The following MICU3 variants were observed in gnomAD, a reference collection of about 807,000 sequenced individuals.
MICU3 encodes calcium uptake protein 3, mitochondrial.
MICU3 carries 62 observed loss-of-function variants against 66.5 expected under a neutral mutation model. That is an observed-to-expected ratio of 0.93 (90% CI 0.76 to 1.15). The LOEUF (loss-of-function observed/expected upper bound fraction) is 1.15. Among genes scored for constraint, MICU3 ranks in the 50% most tolerant of loss-of-function variants. MICU3 has a pLI of 0.00. For missense variants in MICU3, 779 were observed against 664.4 expected, an observed-to-expected ratio of 1.17 and a Z score of -1.90; for synonymous variants, 308 against 240.7, an observed-to-expected ratio of 1.28 and a Z score of -2.59.
intron 2 of MICU3, among the ~76,000 whole-genome samples, chr8:17,067,457 A>G (rs1215453964): frequency 1.3e-5 from 2 of 150,576 alleles, no homozygotes; most frequent in Non-Finnish European, 3.0e-5. Flanking sequence ...CCAAGAGGAG[A>G]CTCGCTCTGT....
At chr8:17,116,135 C>T (rs920799340) in intron 12 of MICU3, among the ~76,000 whole-genome samples, 3 of 152,178 alleles carry the variant, frequency 2.0e-5, no homozygotes, top group Non-Finnish European at 4.4e-5. Context: ...CCATCTGAAC[C>T]GTAAGTTTCT....
At chr8:17,050,836 A>G (rs1216049636) in intron 1 of MICU3, among the ~76,000 whole-genome samples, 1 of 152,134 alleles carries the variant, frequency 6.6e-6, no homozygotes, top group Non-Finnish European at 1.5e-5. Flanking sequence ...AACGCAGTAT[A>G]AGAGTTGCTC....
intron 11 of MICU3, among the ~76,000 whole-genome samples, chr8:17,110,187 T>TATTGTAATG (rs1802068742): frequency 6.6e-6 from 1 of 152,224 alleles, no homozygotes; most frequent in Non-Finnish European, 1.5e-5. Flanking sequence ...GTCAATACTT[T>TATTGTAATG]ATTGTAATGA....
intron 1 of MICU3, among the ~76,000 whole-genome samples, chr8:17,032,380 T>C (rs1812230111): frequency 1.3e-5 from 2 of 152,330 alleles, no homozygotes; most frequent in South Asian, 4.1e-4. Flanking sequence ...CCTTTTTTTT[T>C]CATGCCCAGA....
At chr8:17,113,639 T>A (rs532129043) in intron 11 of MICU3, among the ~76,000 whole-genome samples, 2 of 152,344 alleles carry the variant, frequency 1.3e-5, no homozygotes, top group East Asian at 3.9e-4. Flanking sequence ...ATTGTCATTA[T>A]AAAGACATTC....
At chr8:17,067,774 G>A (rs980430407) in intron 2 of MICU3, among the ~76,000 whole-genome samples, 6 of 151,872 alleles carry the variant, frequency 4.0e-5, no homozygotes, top group Admixed American at 1.3e-4. Flanking sequence ...ATATTTACAC[G>A]GCACACCATT....
intron 2 of MICU3, among the ~76,000 whole-genome samples, chr8:17,069,418 G>C (rs1054073425): frequency 6.6e-6 from 1 of 151,968 alleles, no homozygotes; most frequent in African/African-American, 2.4e-5. Flanking sequence ...TACTTTATTA[G>C]TCCAGAAAGC....
At position 17,120,422 on chromosome 8, in the gene MICU3, A is replaced by T. The variant is rs564646590; in HGVS notation, c.*135A>T. 1 of 151,912 alleles carries T rather than the reference A, an allele frequency of 6.6e-6. No individual in the cohort carries two copies. Among genetic ancestry groups the T allele is most frequent in the African/African-American group, 2.4e-5 (1 of 41,366 alleles). 9.4% of individuals were successfully genotyped at this position (151,912 alleles called of 1,614,324 possible). The stretch of plus-strand genomic sequence containing the variant: ...AAAAGGTGAATGCTATGAAATTGAT[A>T]TTTTTTCTGGAACTGAATTCTTAAA... On this transcript the variant is annotated 3_prime_UTR_variant, in exon 15 of 15. Coordinates refer to ENST00000318063, the MANE Select transcript of MICU3 (RefSeq NM_181723.3).
intron 3 of MICU3, among the ~76,000 whole-genome samples, chr8:17,075,347 A>T (rs1291622217): frequency 3.3e-5 from 5 of 152,166 alleles, no homozygotes. Context: ...TTCTCCCCAG[A>T]GGTCAAGCTC....
At chr8:17,119,859 A>C (rs1424237283) in intron 14 of MICU3, among the ~76,000 whole-genome samples, 1 of 152,172 alleles carries the variant, frequency 6.6e-6, no homozygotes, top group Non-Finnish European at 1.5e-5. Flanking sequence ...TATTTGTCTA[A>C]GGTGGTAACC....
intron 2 of MICU3, among the ~76,000 whole-genome samples, chr8:17,067,167 T>C (rs1818852789): frequency 6.6e-6 from 1 of 152,200 alleles, no homozygotes; most frequent in East Asian, 1.9e-4. Flanking sequence ...AGGAAAAGAA[T>C]AGAACAATGT....
At chr8:17,027,703 C>A in intron 1 of MICU3, 43 bp downstream of exon 1, 3 of 1,262,702 alleles carry the variant, frequency 2.4e-6, no homozygotes, top group Non-Finnish European at 3.0e-6. Flanking sequence ...GGGGATGTGA[C>A]CTTCGTGCCG....
At chr8:17,090,006 C>T (rs934862714) in intron 7 of MICU3, among the ~76,000 whole-genome samples, 1 of 152,054 alleles carries the variant, frequency 6.6e-6, no homozygotes, top group Non-Finnish European at 1.5e-5. Flanking sequence ...AAGCTCCATG[C>T]TATACTCATT....
chr8:17,089,471 G>T (rs1799815223), intron 7 of MICU3, among the ~76,000 whole-genome samples: 1 of 152,080 alleles, frequency 6.6e-6, no homozygotes, highest in Admixed American at 6.6e-5. Context: ...GTAAGGTGAT[G>T]TTATCAAGGT....
Position 17,118,784 on chromosome 8 carries a change from G to A in MICU3, c.*9G>A. On this transcript the variant is annotated intron_variant, in intron 14 of 14. Transcript: ENST00000318063. ...AACTTCACAGCAGATAAGTATGTTA[G>A]CTTCTATTTGTCTAAATTTGTTCAG... The A allele has an allele frequency of 1.3e-6, 2 of 1,582,436 alleles. No homozygotes were observed. The highest frequency in any genetic ancestry group is 3.3e-5 in the Admixed American group (2 of 59,770).
At chr8:17,093,672 G>T (rs1160162256) in intron 8 of MICU3, among the ~76,000 whole-genome samples, 1 of 151,750 alleles carries the variant, frequency 6.6e-6, no homozygotes, top group Non-Finnish European at 1.5e-5. Context: ...TAAGATTATA[G>T]ATTATTTATA....
At chr8:17,129,655 T>C in the MICU3 span, among the ~76,000 whole-genome samples, 1 of 152,094 alleles carries the variant, frequency 6.6e-6, no homozygotes, top group Non-Finnish European at 1.5e-5. Flanking sequence ...CAGTGAACTA[T>C]GGAACCACAC....
At chr8:17,112,653 G>C (rs1285626456) in intron 11 of MICU3, among the ~76,000 whole-genome samples, 1 of 152,158 alleles carries the variant, frequency 6.6e-6, no homozygotes, top group Non-Finnish European at 1.5e-5. Flanking sequence ...TTCAGATGTT[G>C]AACATTATAG....
chr8:17,118,571 CA>C, intron 13 of MICU3, 135 bp from the exon 14 acceptor site: 1 of 494,448 alleles, frequency 2.0e-6, no homozygotes, highest in Non-Finnish European at 3.6e-6. Flanking sequence ...CCCAGTCCCC[CA>C]GCCTTCCAGC....
Sources: gnomAD v4.1 joint callset for allele counts (sites outside exome capture counted in the v4.1 genomes callset) on GRCh38, gnomAD v4.1.1 for gene constraint, MANE v1.5 for transcripts, NCBI Gene and HGNC (gene_info 2026-07-23, HGNC 2026-07-21) for gene names.